The following CAMK4 variants were observed in gnomAD, a reference collection of about 807,000 sequenced individuals.
CAMK4 encodes calcium/calmodulin dependent protein kinase IV.
In CAMK4, 22 loss-of-function variants were observed where a neutral mutation model predicts 44.9. That is an observed-to-expected ratio of 0.49 (90% CI 0.35 to 0.70). The LOEUF (loss-of-function observed/expected upper bound fraction) is 0.70. CAMK4 is among the 30% of genes least tolerant of loss of function. The pLI, the probability that CAMK4 is intolerant of heterozygous loss-of-function variation, is 0.01. For missense variants in CAMK4, 498 were observed against 586.8 expected, an observed-to-expected ratio of 0.85 and a Z score of 1.56; for synonymous variants, 218 against 215.4, an observed-to-expected ratio of 1.01 and a Z score of -0.11.
At chr5:111,323,961 G>A (rs774784449) in intron 1 of CAMK4, among the ~76,000 whole-genome samples, 14 of 152,000 alleles carry the variant, frequency 9.2e-5, no homozygotes, top group Non-Finnish European at 1.5e-4. Context: ...CAAAAGATAG[G>A]AAAGCAAGAG....
chr5:111,384,251 CTG>C (rs1449803100), intron 4 of CAMK4, among the ~76,000 whole-genome samples: 1 of 152,150 alleles, frequency 6.6e-6, no homozygotes, highest in African/African-American at 2.4e-5. Flanking sequence ...ACTCTGGTCT[CTG>C]TAGCATTATA....
chr5:111,415,761 A>G (rs1227577410), intron 5 of CAMK4, among the ~76,000 whole-genome samples: 2 of 152,226 alleles, frequency 1.3e-5, no homozygotes, highest in Non-Finnish European at 2.9e-5. Flanking sequence ...CTGTACCTGT[A>G]TAAATCTCTA....
chr5:111,295,490 C>T (rs190490560), intron 1 of CAMK4, among the ~76,000 whole-genome samples: 4 of 152,244 alleles, frequency 2.6e-5, no homozygotes, highest in African/African-American at 9.6e-5. Context: ...CTTTAGCTTC[C>T]AGTTTGGTGT....
intron 9 of CAMK4, among the ~76,000 whole-genome samples, chr5:111,480,126 T>C (rs1755381410): frequency 6.6e-6 from 1 of 152,086 alleles, no homozygotes; most frequent in Admixed American, 6.6e-5. Flanking sequence ...TGATCACTTT[T>C]CACTCTAGTG....
intron 1 of CAMK4, among the ~76,000 whole-genome samples, chr5:111,238,836 T>TA (rs1748861589): frequency 1.9e-5 from 2 of 102,564 alleles, no homozygotes; most frequent in Middle Eastern, 4.8e-3. Flanking sequence ...TTTTTTTTTT[T>TA]AACAGGAGGT....
intron 4 of CAMK4, among the ~76,000 whole-genome samples, chr5:111,390,514 T>A (rs1751759678): frequency 6.6e-6 from 1 of 152,202 alleles, no homozygotes; most frequent in Admixed American, 6.6e-5. Flanking sequence ...AAAAGTACTT[T>A]CTGAAAAATA....
chr5:111,326,761 A>G (rs868292853), intron 1 of CAMK4, among the ~76,000 whole-genome samples: 2 of 151,896 alleles, frequency 1.3e-5, no homozygotes, highest in African/African-American at 4.8e-5. Flanking sequence ...GTTGCACAAT[A>G]CAGGGAAGGA....
At chr5:111,457,074 C>T (rs1431975160) in intron 7 of CAMK4, among the ~76,000 whole-genome samples, 1 of 152,184 alleles carries the variant, frequency 6.6e-6, no homozygotes, top group Non-Finnish European at 1.5e-5. Flanking sequence ...AGAGATGACA[C>T]TGTGCTCTGA....
intron 1 of CAMK4, among the ~76,000 whole-genome samples, chr5:111,270,345 C>T (rs1308002211): frequency 6.6e-6 from 1 of 152,200 alleles, no homozygotes; most frequent in Non-Finnish European, 1.5e-5. Context: ...CCATCACTCC[C>T]TCTCACACAT....
intron 2 of CAMK4, among the ~76,000 whole-genome samples, chr5:111,353,744 C>G (rs1056451612): frequency 6.6e-6 from 1 of 151,694 alleles, no homozygotes; most frequent in African/African-American, 2.4e-5. Context: ...AAAACAATCT[C>G]TTTTATGACA....
chr5:111,416,257 AACACAC>A (rs148457400), intron 5 of CAMK4, among the ~76,000 whole-genome samples: 3 of 150,760 alleles, frequency 2.0e-5, no homozygotes, highest in Non-Finnish European at 3.0e-5. Context: ...CACATATATA[AACACAC>A]ACACACACAC....
At chr5:111,410,159 G>C (rs548400429) in intron 5 of CAMK4, among the ~76,000 whole-genome samples, 3 of 152,290 alleles carry the variant, frequency 2.0e-5, no homozygotes, top group South Asian at 4.1e-4. Flanking sequence ...TTCTCATGCT[G>C]CTGATAATGA....
At chr5:111,456,323 C>T (rs1754412647) in intron 7 of CAMK4, among the ~76,000 whole-genome samples, 1 of 151,948 alleles carries the variant, frequency 6.6e-6, no homozygotes, top group African/African-American at 2.4e-5. Flanking sequence ...AACCCCGTCT[C>T]TTCTAAAAAT....
chr5:111,441,268 A>G (rs922056335), intron 5 of CAMK4, among the ~76,000 whole-genome samples: 6 of 152,170 alleles, frequency 3.9e-5, no homozygotes, highest in Admixed American at 2.6e-4. Context: ...ATTTTATAAT[A>G]TATATTAAAA....
chr5:111,449,060 G>T, intron 6 of CAMK4, 69 bp from the exon 7 acceptor site: 1 of 717,752 alleles, frequency 1.4e-6, no homozygotes, highest in South Asian at 1.8e-5. Context: ...TTTTATTTTT[G>T]AATAACAAAT....
At chr5:111,363,022 G>A (rs1750654552) in intron 2 of CAMK4, among the ~76,000 whole-genome samples, 1 of 152,138 alleles carries the variant, frequency 6.6e-6, no homozygotes. Context: ...CTGTTGGAAG[G>A]AAAAGTACGG....
chr5:111,436,915 G>A (rs185215682), intron 5 of CAMK4, among the ~76,000 whole-genome samples: 10 of 152,296 alleles, frequency 6.6e-5, no homozygotes, highest in African/African-American at 1.7e-4. Context: ...AGCATGTGAA[G>A]AAATTAATTC....
intron 5 of CAMK4, among the ~76,000 whole-genome samples, chr5:111,411,372 C>G (rs757600433): frequency 2.9e-4 from 44 of 152,180 alleles, no homozygotes; most frequent in Non-Finnish European, 5.6e-4. Context: ...AATGTGACAG[C>G]AGTTGTAGGT....
At position 111,482,787 on chromosome 5, in the gene CAMK4, C is replaced by T; in HGVS notation, c.831C>T (p.Val277=). 3.1e-6 allele frequency: 5 copies of T among 1,603,690 alleles called. No individual in the cohort carries two copies. The highest frequency in any genetic ancestry group is 4.2e-6 in the Non-Finnish European group (5 of 1,176,906). ...DEVSLNAKDL[V]RKLIVLDPKK... is the part of the protein sequence containing the mutation. ...TTTATGGTTCTTTATTATTTCAGGT[C>T]AGAAAATTAATTGTTTTGGATCCAA... The change falls in exon 10 of 11, where the codon GTC becomes GTT. Residue 277 remains valine (V), a splice_region_variant and synonymous_variant. Transcript: ENST00000282356. This position sits in a 1 kb window ranked among gnomAD's most constrained non-coding sequence, Gnocchi z 4.9.
Sources: allele counts gnomAD v4.1 joint callset (sites outside exome capture counted in the v4.1 genomes callset), GRCh38; gene constraint gnomAD v4.1.1; non-coding constraint Gnocchi (gnomAD v3.1); transcripts MANE v1.5; gene names NCBI Gene and HGNC (gene_info 2026-07-23, HGNC 2026-07-21).